PATL2: variants seen among roughly 807,000 people sequenced by gnomAD.
PATL2 encodes the protein PAT1 homolog 2.
A neutral mutation model predicts 77.0 loss-of-function variants in PATL2; 73 were observed. That is an observed-to-expected ratio of 0.95 (90% CI 0.78 to 1.15). The LOEUF is 1.15. Ranked by LOEUF, PATL2 falls within the 50% of genes most tolerant of loss-of-function variation. The probability of loss-of-function intolerance (pLI) is 0.00; values close to 1 mark genes in which losing one functional copy is unlikely to be tolerated. For missense variants in PATL2, 618 were observed against 655.4 expected, an observed-to-expected ratio of 0.94 and a Z score of 0.62; for synonymous variants, 265 against 257.1, an observed-to-expected ratio of 1.03 and a Z score of -0.29.
At chr15:44,681,407 C>T (rs1157697107) in intron 3 of PATL2, among the ~76,000 whole-genome samples, 1 of 152,170 alleles carries the variant, frequency 6.6e-6, no homozygotes, top group African/African-American at 2.4e-5. Context: ...TGATCACATC[C>T]TCCTTGGATC....
intron 11 of PATL2, 82 bp downstream of exon 11, chr15:44,669,695 G>A (rs1041767407): frequency 2.4e-5 from 36 of 1,510,062 alleles, no homozygotes; most frequent in South Asian, 1.7e-4. Flanking sequence ...CTCCTTCTTC[G>A]GTCACAGTCT....
In PATL2 at chr15:44,672,065, T is replaced by A; in HGVS notation, c.607A>T (p.Met203Leu). ...KEKDWVIKVQMVQLQSAKPRL... is the reference protein window; with the variant it reads ...KEKDWVIKVQLVQLQSAKPRL... ...GGTTTTGCACTCTGCAGCTGCACCATCTGCACTTTTATCACCCAGTCCTTC... is the reference window on the plus strand; with the variant it reads ...GGTTTTGCACTCTGCAGCTGCACCAACTGCACTTTTATCACCCAGTCCTTC... Residue 203 changes from methionine (M) to leucine (L), a missense_variant, in exon 9 of 18, where the codon ATG becomes TTG. Physicochemically the swap from Met to Leu is conservative, Grantham distance 15. Coordinates refer to ENST00000682850, the MANE Select transcript of PATL2 (RefSeq NM_001387263.1). 6.4e-7 allele frequency: 1 copy of A among 1,551,706 alleles called. No individual in the cohort carries two copies. The highest frequency in any genetic ancestry group is 8.7e-7 in the Non-Finnish European group (1 of 1,146,994).
At position 44,669,114 on chromosome 15, in the gene PATL2, C is replaced by A. The variant is rs1394023782; in HGVS notation, c.1090G>T (p.Val364Leu). The A allele has an allele frequency of 4.5e-6, 7 of 1,544,780 alleles. No homozygotes were observed. Among genetic ancestry groups the A allele is most frequent in the South Asian group, 1.2e-5 (1 of 83,404 alleles). The change falls in exon 14 of 18, where the codon GTG becomes TTG. Residue 364 changes from valine (V) to leucine (L), a missense_variant. Physicochemically the swap from Val to Leu is conservative, Grantham distance 32 (BLOSUM62 1). Transcript: ENST00000682850. Reference protein sequence around the residue: ...LEEAADGFLQVLSVRKGKALV... With the variant: ...LEEAADGFLQLLSVRKGKALV... ...GCCTTCCCCTTCCTCACAGAGAGCA[C>A]CTGCAGGAAGCCATCTGCTGCCTCT... is the stretch of plus-strand genomic sequence containing the variant.
intron 9 of PATL2, 76 bp downstream of exon 9, chr15:44,671,939 A>G: frequency 6.7e-7 from 1 of 1,502,152 alleles, no homozygotes; most frequent in Non-Finnish European, 9.0e-7. Flanking sequence ...AGCCGAAGAG[A>G]GGATCAGAGC....
intron 3 of PATL2, among the ~76,000 whole-genome samples, chr15:44,699,531 G>C (rs180720594): frequency 5.9e-5 from 9 of 152,142 alleles, no homozygotes; most frequent in African/African-American, 2.2e-4. Flanking sequence ...GTAGAGACAG[G>C]GTTTTACCAT....
intron 3 of PATL2, among the ~76,000 whole-genome samples, chr15:44,690,766 T>C (rs903747906): frequency 2.0e-5 from 3 of 152,176 alleles, no homozygotes; most frequent in Admixed American, 2.0e-4. Context: ...GCTCAGATCT[T>C]TTTAGCAATA....
chr15:44,674,418 G>C (rs1326984039), intron 5 of PATL2, 188 bp from the exon 6 acceptor site: 2 of 587,116 alleles, frequency 3.4e-6, no homozygotes, highest in African/African-American at 3.7e-5. Flanking sequence ...TCTCCTGGGA[G>C]GAATAAGACT....
chr15:44,676,182 C>T, intron 4 of PATL2: 1 of 453,652 alleles, frequency 2.2e-6, no homozygotes, highest in Non-Finnish European at 4.1e-6. Context: ...GTTCCACCTG[C>T]CCTGACTCAC....
rs2085372658 is a variant in PATL2 at position 44,666,393 on chromosome 15, C to T, written c.1612G>A (p.Glu538Lys). 1.9e-6 allele frequency: 3 copies of T among 1,551,624 alleles called. No homozygotes were observed. Among genetic ancestry groups the T allele is most frequent in the South Asian group, 1.2e-5 (1 of 84,044 alleles). ...GACCTTGTTTCTGCCATTACTTACTCCATCCTGGCCTCCAGCTGCTGAACC... is the reference window on the plus strand; with the variant it reads ...GACCTTGTTTCTGCCATTACTTACTTCATCCTGGCCTCCAGCTGCTGAACC... Reference protein sequence around the residue: ...QLVQQLEARMEFAWIY With the variant: ...QLVQQLEARMKFAWIY Residue 538 changes from glutamate to lysine, a missense_variant and splice_region_variant, in exon 17 of 18, where the codon GAG becomes AAG. By Grantham distance (56) the Glu-to-Lys change is moderately conservative. Transcript: ENST00000682850.
chr15:44,671,341 T>G (rs2085663943), intron 9 of PATL2, among the ~76,000 whole-genome samples: 1 of 151,962 alleles, frequency 6.6e-6, no homozygotes, highest in Non-Finnish European at 1.5e-5. Context: ...ATACAAAAAT[T>G]AGCTGCGTAT....
chr15:44,682,222 T>C (rs919042412), intron 3 of PATL2, among the ~76,000 whole-genome samples: 5 of 152,242 alleles, frequency 3.3e-5, no homozygotes, highest in Non-Finnish European at 5.9e-5. Context: ...AATGGTCTTA[T>C]TCTAATATTC....
At chr15:44,686,598 C>CA (rs1472877214) in intron 3 of PATL2, among the ~76,000 whole-genome samples, 1 of 151,848 alleles carries the variant, frequency 6.6e-6, no homozygotes, top group African/African-American at 2.4e-5. Context: ...AAAAACCCTT[C>CA]AAAAAATCAG....
chr15:44,675,734 C>T, intron 4 of PATL2, 43 bp from the exon 5 acceptor site: 11 of 1,489,984 alleles, frequency 7.4e-6, no homozygotes, highest in Non-Finnish European at 8.1e-6. Context: ...AGATGGGGCT[C>T]AGCTGTGAGT....
intron 3 of PATL2, among the ~76,000 whole-genome samples, chr15:44,706,099 C>A (rs1477764434): frequency 6.6e-6 from 1 of 152,160 alleles, no homozygotes; most frequent in East Asian, 1.9e-4. Context: ...CGTGCCTGAC[C>A]AAAACAGCTA....
intron 16 of PATL2, chr15:44,666,832 A>G: frequency 1.9e-6 from 1 of 521,010 alleles, no homozygotes; most frequent in Non-Finnish European, 3.4e-6. Context: ...CCCTAAAGTT[A>G]TATTGCTAGT....
In PATL2 at chr15:44,675,605, C is replaced by T; in HGVS notation, c.103G>A (p.Glu35Lys). The T allele has an allele frequency of 6.4e-7, 1 of 1,551,420 alleles. No individual in the cohort carries two copies. Among genetic ancestry groups the T allele is most frequent in the Non-Finnish European group, 8.7e-7 (1 of 1,147,044 alleles). The change falls in exon 5 of 18, where the codon GAG becomes AAG. Residue 35 changes from glutamate (E) to lysine (K), a missense_variant. Transcript: ENST00000682850. ...QLEKEEENEG[E>K]EEEEEEDEED... ...TCGTCCTCCTCCTCTTCCTCCTCCTCCCCTTCATTCTCTTCTTCTTTTTCC... is the reference window on the plus strand; with the variant it reads ...TCGTCCTCCTCCTCTTCCTCCTCCTTCCCTTCATTCTCTTCTTCTTTTTCC...
intron 3 of PATL2, among the ~76,000 whole-genome samples, chr15:44,683,588 A>G (rs2086184928): frequency 2.0e-5 from 3 of 152,234 alleles, no homozygotes; most frequent in Admixed American, 2.0e-4. Context: ...CAGTAGCCCC[A>G]GTCAGGGGCT....
At chr15:44,684,295 C>T (rs1207624484) in intron 3 of PATL2, among the ~76,000 whole-genome samples, 1 of 151,888 alleles carries the variant, frequency 6.6e-6, no homozygotes, top group Non-Finnish European at 1.5e-5. Context: ...TAACAAACTG[C>T]TCCAAGCTAA....
At chr15:44,684,716 G>A (rs1046894537) in intron 3 of PATL2, among the ~76,000 whole-genome samples, 4 of 152,102 alleles carry the variant, frequency 2.6e-5, no homozygotes, top group Admixed American at 6.5e-5. Context: ...AGCAAGACAG[G>A]CCAACATTCA....
Sources: allele counts gnomAD v4.1 joint callset (sites outside exome capture counted in the v4.1 genomes callset), GRCh38; gene constraint gnomAD v4.1.1; transcripts MANE v1.5; gene names NCBI Gene and HGNC (gene_info 2026-07-23, HGNC 2026-07-21).